MDGA2: variants seen among roughly 807,000 people sequenced by gnomAD.
The protein encoded by MDGA2 is MAM domain containing glycosylphosphatidylinositol anchor 2, also known as MAM domain-containing glycosylphosphatidylinositol anchor protein 2.
In MDGA2, 40 loss-of-function variants were observed where a neutral mutation model predicts 117.8. That is an observed-to-expected ratio of 0.34 (90% CI 0.26 to 0.44). MDGA2 has a LOEUF of 0.44. MDGA2 is among the 20% of genes least tolerant of loss of function. The pLI is 1.00. For synonymous variants in MDGA2, 452 were observed against 439.0 expected (o/e 1.03, Z -0.37); for missense variants, 1,123 against 1,250.6 (o/e 0.90, Z 1.54).
chr14:46,968,421 C>A (rs941779522), intron 8 of MDGA2, among the ~76,000 whole-genome samples: 16 of 151,904 alleles, frequency 1.1e-4, no homozygotes, highest in Admixed American at 3.9e-4. Flanking sequence ...CGAGGCAGAG[C>A]AATTAGGCAA....
At chr14:47,281,006 T>C (rs1474809976) in intron 2 of MDGA2, among the ~76,000 whole-genome samples, 5 of 147,636 alleles carry the variant, frequency 3.4e-5, no homozygotes, top group Admixed American at 6.8e-5. Flanking sequence ...TTATATATGG[T>C]ATATAATATA....
chr14:47,240,254 C>G (rs927223820), intron 2 of MDGA2, among the ~76,000 whole-genome samples: 2 of 151,722 alleles, frequency 1.3e-5, no homozygotes, highest in Admixed American at 1.3e-4. Flanking sequence ...CCATGTTGGT[C>G]AGGCTGGTCT....
At chr14:47,456,810 A>T (rs1893364688) in intron 1 of MDGA2, among the ~76,000 whole-genome samples, 2 of 152,148 alleles carry the variant, frequency 1.3e-5, no homozygotes, top group South Asian at 4.1e-4. Flanking sequence ...AGCAATAGAA[A>T]TATAGTGACT....
intron 1 of MDGA2, among the ~76,000 whole-genome samples, chr14:47,579,312 AT>A (rs1177627330): frequency 6.6e-6 from 1 of 152,048 alleles, no homozygotes; most frequent in Non-Finnish European, 1.5e-5. Context: ...TCATCCACTT[AT>A]TCTTGATTTT....
chr14:47,607,378 A>G (rs1263879932), intron 1 of MDGA2, among the ~76,000 whole-genome samples: 1 of 152,178 alleles, frequency 6.6e-6, no homozygotes, highest in South Asian at 2.1e-4. Flanking sequence ...CTTATTTTTC[A>G]CCTTTCTTGA....
chr14:47,217,933 C>A, intron 3 of MDGA2, 88 bp downstream of exon 3: 2 of 1,082,648 alleles, frequency 1.8e-6, no homozygotes, highest in Non-Finnish European at 2.5e-6. Context: ...CTAAACAGAA[C>A]GCTATGGTTT....
chr14:47,056,971 C>G (rs1889698907), intron 7 of MDGA2, among the ~76,000 whole-genome samples: 1 of 151,876 alleles, frequency 6.6e-6, no homozygotes, highest in African/African-American at 2.4e-5. Flanking sequence ...TTAATTGAAA[C>G]ATTTATAACA....
At chr14:47,589,234 T>C (rs6572436) in intron 1 of MDGA2, among the ~76,000 whole-genome samples, 107,116 of 151,856 alleles carry the variant, frequency 0.71, 38,289 homozygotes, top group East Asian at 1. Context: ...CTTTTGATGT[T>C]GTTTCTAAGA....
At chr14:47,360,337 G>A (rs1402752693) in intron 1 of MDGA2, among the ~76,000 whole-genome samples, 1 of 139,724 alleles carries the variant, frequency 7.2e-6, no homozygotes, top group East Asian at 2.0e-4. Flanking sequence ...GGCAACAGGA[G>A]TGAGAGTCCA....
chr14:46,895,130 C>G (rs1192945552), intron 10 of MDGA2, among the ~76,000 whole-genome samples: 1 of 152,058 alleles, frequency 6.6e-6, no homozygotes, highest in East Asian at 1.9e-4. Context: ...TTGGCTGTGT[C>G]TCCACCCAAA....
intron 1 of MDGA2, among the ~76,000 whole-genome samples, chr14:47,612,782 C>A (rs1175071829): frequency 6.6e-6 from 1 of 152,118 alleles, no homozygotes; most frequent in African/African-American, 2.4e-5. Flanking sequence ...GTACTTTATA[C>A]ATATTCCACC....
At chr14:47,331,125 T>A (rs191017080) in intron 1 of MDGA2, among the ~76,000 whole-genome samples, 1 of 151,964 alleles carries the variant, frequency 6.6e-6, no homozygotes, top group Admixed American at 6.6e-5. Flanking sequence ...AAGAATTTTA[T>A]TAGAGATCAA....
intron 1 of MDGA2, among the ~76,000 whole-genome samples, chr14:47,611,180 C>A (rs907727242): frequency 5.1e-4 from 77 of 152,056 alleles, no homozygotes; most frequent in African/African-American, 1.8e-3. Flanking sequence ...ACTGGATCCT[C>A]ATCTCTCACC....
At position 46,846,443 on chromosome 14, in the gene MDGA2, A is replaced by AT. The variant is rs1880842873; in HGVS notation, c.2884-573dup. Among the ~76,000 whole-genome samples, 7 of 152,072 alleles carry AT rather than the reference A, an allele frequency of 4.6e-5. No individual in the cohort carries two copies. The South Asian group carries it at 1.5e-3, about 32-fold the overall frequency. On this transcript the variant is annotated intron_variant, in intron 15 of 16. Transcript: ENST00000399232. The stretch of plus-strand genomic sequence containing the variant: ...TCCATGATTTCACTGCTGATATTCC[A>AT]TTTTTTTAAACTTGAAGATATGTAT...
intron 1 of MDGA2, among the ~76,000 whole-genome samples, chr14:47,475,914 T>A (rs1292699656): frequency 6.6e-6 from 1 of 152,178 alleles, no homozygotes; most frequent in Non-Finnish European, 1.5e-5. Flanking sequence ...GTTTGTCATG[T>A]TTGACATGTT....
In MDGA2 at chr14:47,295,931, AAGATAGATAGATAGATAGATAGAT is replaced by A. The variant is rs34675658; in HGVS notation, c.420+5456_420+5479del. On this transcript the variant is annotated intron_variant, in intron 2 of 16. Coordinates refer to ENST00000399232, the MANE Select transcript of MDGA2 (RefSeq NM_001113498.3). ...AAATATACATATATAGATAGATGAT[AAGATAGATAGATAGATAGATAGAT>A]AGATAGATAGATAGATAGATAGATA... Among the ~76,000 whole-genome samples the A allele has an allele frequency of 2.9e-4, 39 of 132,540 alleles. No individual in the cohort carries two copies. The East Asian group carries it at 7.1e-3, about 24-fold the overall frequency. The allele number at this position is 132,540 out of a possible 152,430, so 87.0% of individuals were successfully genotyped here.
intron 1 of MDGA2, among the ~76,000 whole-genome samples, chr14:47,461,011 A>T (rs1893472017): frequency 6.6e-6 from 1 of 152,154 alleles, no homozygotes; most frequent in Non-Finnish European, 1.5e-5. Flanking sequence ...TGATTTTTTT[A>T]AAAGAATATC....
chr14:46,994,731 A>G (rs528517428), intron 8 of MDGA2, among the ~76,000 whole-genome samples: 1 of 152,310 alleles, frequency 6.6e-6, no homozygotes, highest in Admixed American at 6.5e-5. Context: ...AAACAGCCTT[A>G]AATATAAGAG....
chr14:47,459,606 C>G (rs559702684), intron 1 of MDGA2, among the ~76,000 whole-genome samples: 1 of 150,806 alleles, frequency 6.6e-6, no homozygotes, highest in African/African-American at 2.4e-5. Context: ...TCTGCTTTCT[C>G]CTTTGTGCAG....
Sources: allele counts gnomAD v4.1 joint callset (sites outside exome capture counted in the v4.1 genomes callset), GRCh38; gene constraint gnomAD v4.1.1; transcripts MANE v1.5; gene names NCBI Gene and HGNC (gene_info 2026-07-23, HGNC 2026-07-21).